CACNG2: variants seen among roughly 807,000 people sequenced by gnomAD.
CACNG2 encodes the protein calcium voltage-gated channel auxiliary subunit gamma 2.
Under a neutral mutation model 25.9 loss-of-function variants are expected in CACNG2, and 3 were observed. That is an observed-to-expected ratio of 0.12 (90% CI 0.05 to 0.30). The LOEUF (loss-of-function observed/expected upper bound fraction) is 0.30. Ranked by LOEUF, CACNG2 falls within the 10% of genes least tolerant of loss-of-function variation. The pLI is 1.00. For synonymous variants in CACNG2, 167 were observed against 173.3 expected (o/e 0.96, Z 0.29); for missense variants, 341 against 432.5 (o/e 0.79, Z 1.88).
intron 1 of CACNG2, among the ~76,000 whole-genome samples, chr22:36,679,271 T>C (rs1039443650): frequency 2.0e-5 from 3 of 150,854 alleles, no homozygotes; most frequent in Non-Finnish European, 4.4e-5. Context: ...GGACATGTGA[T>C]GAGTTCCGGT....
intron 1 of CACNG2, among the ~76,000 whole-genome samples, chr22:36,607,579 T>C (rs1418489480): frequency 6.6e-6 from 1 of 152,132 alleles, no homozygotes; most frequent in East Asian, 1.9e-4. Context: ...GTATATTCAG[T>C]TTTGTGGCAT....
At position 36,619,265 on chromosome 22, in the gene CACNG2, A is replaced by G. The variant is rs1295571803; in HGVS notation, c.212-31717T>C. On this transcript the variant is annotated intron_variant, in intron 1 of 3. Transcript: ENST00000300105. ...TGGTGTAGGGATGTATTAAATGAAT[A>G]TAATTCTGATGGCACCGCAGGATGA... 3.9e-5 allele frequency among the ~76,000 whole-genome samples: 6 copies of G among 152,338 alleles called. No individual in the cohort carries two copies. The East Asian group carries it at 1.2e-3, about 29-fold the overall frequency.
intron 2 of CACNG2, among the ~76,000 whole-genome samples, chr22:36,574,625 A>T (rs928861872): frequency 1.3e-5 from 2 of 152,136 alleles, no homozygotes; most frequent in Admixed American, 1.3e-4. Flanking sequence ...TACTAAAAAA[A>T]TACAAAATTA....
At chr22:36,693,285 G>A (rs546010577) in intron 1 of CACNG2, among the ~76,000 whole-genome samples, 2 of 152,294 alleles carry the variant, frequency 1.3e-5, no homozygotes, top group South Asian at 4.1e-4. Flanking sequence ...CATAGTATGT[G>A]TTCAGTCATG....
At chr22:36,622,562 G>A (rs906029720) in intron 1 of CACNG2, among the ~76,000 whole-genome samples, 9 of 152,180 alleles carry the variant, frequency 5.9e-5, no homozygotes, top group Non-Finnish European at 1.3e-4. Flanking sequence ...AAAATATGCC[G>A]GGTGAAGGCA....
chr22:36,564,061 T>G lies in CACNG2; in HGVS notation c.*290A>C, dbSNP rs1019905140. The G allele has an allele frequency of 1.0e-5, 3 of 299,500 alleles. No homozygotes were observed. The South Asian group carries it at 3.4e-4, about 34-fold the overall frequency. The allele number at this position is 299,500 out of a possible 1,614,324, so 18.6% of individuals were successfully genotyped here. On this transcript the variant is annotated 3_prime_UTR_variant, in exon 4 of 4. Coordinates refer to ENST00000300105, the MANE Select transcript of CACNG2 (RefSeq NM_006078.5). The surrounding 1 kb of genome is among the most constrained non-coding windows in gnomAD (Gnocchi z 6.7). ...TTCTATTTTTAATTTTTTATCCCTCTCGCTTTTTTTTAAAGTTTGTTTTCT... is the reference window on the plus strand; with the variant it reads ...TTCTATTTTTAATTTTTTATCCCTCGCGCTTTTTTTTAAAGTTTGTTTTCT...
intron 1 of CACNG2, among the ~76,000 whole-genome samples, chr22:36,620,403 T>C (rs1196481427): frequency 6.6e-6 from 1 of 152,250 alleles, no homozygotes; most frequent in Non-Finnish European, 1.5e-5. Flanking sequence ...TAGAGAGAAA[T>C]GTGTTCACAT....
At chr22:36,666,612 G>T (rs1936878112) in intron 1 of CACNG2, among the ~76,000 whole-genome samples, 4 of 151,930 alleles carry the variant, frequency 2.6e-5, no homozygotes, top group African/African-American at 9.7e-5. Context: ...GGTGATGGTT[G>T]CACATGAAGG....
intron 1 of CACNG2, among the ~76,000 whole-genome samples, chr22:36,617,816 C>T (rs908271948): frequency 2.0e-5 from 3 of 150,988 alleles, no homozygotes; most frequent in East Asian, 1.9e-4. Flanking sequence ...CTAGCTCCTG[C>T]GTTTGAGGAG....
chr22:36,602,062 T>G (rs1935761200), intron 1 of CACNG2, among the ~76,000 whole-genome samples: 1 of 152,186 alleles, frequency 6.6e-6, no homozygotes, highest in Admixed American at 6.5e-5. Context: ...GGCACTTCCC[T>G]GAAGATTAGT....
At chr22:36,611,074 C>T (rs1935932406) in intron 1 of CACNG2, among the ~76,000 whole-genome samples, 1 of 152,188 alleles carries the variant, frequency 6.6e-6, no homozygotes, top group African/African-American at 2.4e-5. Context: ...GATATGATGT[C>T]GGAACTTAAT....
intron 1 of CACNG2, among the ~76,000 whole-genome samples, chr22:36,695,777 G>A (rs1937331334): frequency 6.6e-6 from 1 of 152,094 alleles, no homozygotes; most frequent in Non-Finnish European, 1.5e-5. Context: ...GTGAGATTAT[G>A]TGAATTGGGA....
chr22:36,666,205 G>A (rs1936872649), intron 1 of CACNG2, among the ~76,000 whole-genome samples: 1 of 152,158 alleles, frequency 6.6e-6, no homozygotes, highest in South Asian at 2.1e-4. Context: ...AGGAGTTTGA[G>A]ACCAGCCTGG....
At position 36,703,004 on chromosome 22, in the gene CACNG2, AC is replaced by A. The variant is rs1937430945; in HGVS notation, c.-429del. 5.6e-6 allele frequency: 1 copy of A among 177,562 alleles called. No individual in the cohort carries two copies. Among genetic ancestry groups the A allele is most frequent in the African/African-American group, 2.4e-5 (1 of 41,508 alleles). The allele number at this position is 177,562 out of a possible 1,614,324, so 11.0% of individuals were successfully genotyped here. ...ACCAGGGAACAGCCGAATTCTCAACACCATTTCTCATGGTCGGGACCTAGAC... is the reference window on the plus strand; with the variant it reads ...ACCAGGGAACAGCCGAATTCTCAACACATTTCTCATGGTCGGGACCTAGAC... On this transcript the variant is annotated 5_prime_UTR_variant, in exon 1 of 4. An upstream open reading frame in the 5' UTR loses its in-frame stop. Transcript: ENST00000300105.
intron 1 of CACNG2, among the ~76,000 whole-genome samples, chr22:36,649,786 T>C (rs1569040432): frequency 6.6e-6 from 1 of 151,900 alleles, no homozygotes; most frequent in Non-Finnish European, 1.5e-5. Context: ...AAAAGGGGAG[T>C]TCCCCTGCAC....
rs1257130809 is a variant in CACNG2 at position 36,679,186 on chromosome 22, C to CT, written c.211+23179dup. On this transcript the variant is annotated intron_variant, in intron 1 of 3. Transcript: ENST00000300105. Reference sequence around the variant, plus strand: ...CCTTCCTTCCTTCCTTCCTTCCTTCCTTCCTTCCTTCCTTTCTTTCTTTCT... The same window carrying CT: ...CCTTCCTTCCTTCCTTCCTTCCTTCCTTTCCTTCCTTCCTTTCTTTCTTTCT... 2.3e-3 allele frequency among the ~76,000 whole-genome samples: 218 copies of CT among 93,298 alleles called. 1 individual carries two copies. Among genetic ancestry groups the CT allele is most frequent in the African/African-American group, 6.3e-3 (170 of 27,154 alleles). The allele number at this position is 93,298 out of a possible 152,430, so 61.2% of individuals were successfully genotyped here. A position where few individuals can be genotyped will look rare whatever the true frequency, so the allele number is the denominator to read the frequency against.
At chr22:36,665,441 A>G (rs1457318859) in intron 1 of CACNG2, among the ~76,000 whole-genome samples, 2 of 152,210 alleles carry the variant, frequency 1.3e-5, no homozygotes, top group Non-Finnish European at 2.9e-5. Context: ...CACATAGTAA[A>G]TGCTCAGTTA....
At chr22:36,629,219 A>G (rs1171614049) in intron 1 of CACNG2, among the ~76,000 whole-genome samples, 1 of 152,220 alleles carries the variant, frequency 6.6e-6, no homozygotes, top group Non-Finnish European at 1.5e-5. Context: ...GAATAACCGA[A>G]GCCTTAAATA....
intron 1 of CACNG2, among the ~76,000 whole-genome samples, chr22:36,664,571 G>C (rs562562984): frequency 1.3e-5 from 2 of 152,266 alleles, no homozygotes; most frequent in Admixed American, 1.3e-4. Context: ...ACCTGTCCAA[G>C]ACCTCACACT....
Sources: allele counts gnomAD v4.1 joint callset (sites outside exome capture counted in the v4.1 genomes callset), GRCh38; gene constraint gnomAD v4.1.1; non-coding constraint Gnocchi (gnomAD v3.1); transcripts MANE v1.5; gene names NCBI Gene and HGNC (gene_info 2026-07-23, HGNC 2026-07-21).